Variants in NAV2 observed in about 807,000 individuals in gnomAD.
NAV2 encodes the protein helicase, APC down-regulated 1.
A neutral mutation model predicts 223.2 loss-of-function variants in NAV2; 54 were observed. The ratio of observed to expected loss-of-function variants is 0.24; its 90% CI spans 0.19 to 0.30. The LOEUF (loss-of-function observed/expected upper bound fraction) is 0.30, where lower values mean the gene tolerates loss of function less well. Ranked by LOEUF, NAV2 falls within the 10% of genes least tolerant of loss-of-function variation. NAV2 has a pLI of 1.00. For synonymous variants in NAV2, 1,279 were observed against 1,239.3 expected, an observed-to-expected ratio of 1.03 and a Z score of -0.67; for missense variants, 2,806 against 3,147.5, an observed-to-expected ratio of 0.89 and a Z score of 2.60.
intron 1 of NAV2, among the ~76,000 whole-genome samples, chr11:19,366,332 T>C (rs1234182824): frequency 6.6e-6 from 1 of 152,190 alleles, no homozygotes; most frequent in Non-Finnish European, 1.5e-5. Context: ...CCTGGAGCTC[T>C]GGATGGATGG....
chr11:19,743,339 C>G (rs867074102), intron 1 of NAV2, among the ~76,000 whole-genome samples: 35 of 152,126 alleles, frequency 2.3e-4, no homozygotes, highest in African/African-American at 8.5e-4. Flanking sequence ...CAACCACTAC[C>G]CAAGCCTAGC....
chr11:20,099,606 T>C (rs187609055), intron 31 of NAV2, among the ~76,000 whole-genome samples: 48 of 152,310 alleles, frequency 3.2e-4, no homozygotes, highest in Middle Eastern at 3.4e-3. Context: ...CCTAGAGTAC[T>C]TAAAACTTAT....
At chr11:19,476,623 A>T (rs547692933) in intron 1 of NAV2, among the ~76,000 whole-genome samples, 98 of 152,308 alleles carry the variant, frequency 6.4e-4, no homozygotes, top group African/African-American at 2.2e-3. Context: ...ACATGATAGG[A>T]TCCATGATCC....
chr11:19,936,780 A>G (rs2045945488), intron 7 of NAV2, among the ~76,000 whole-genome samples: 1 of 152,174 alleles, frequency 6.6e-6, no homozygotes, highest in Admixed American at 6.5e-5. Flanking sequence ...ATGAGCTAGC[A>G]GCTTAGAGGT....
At chr11:19,455,392 T>G (rs1164628258) in intron 1 of NAV2, among the ~76,000 whole-genome samples, 1 of 152,250 alleles carries the variant, frequency 6.6e-6, no homozygotes, top group Non-Finnish European at 1.5e-5. Flanking sequence ...AGCTGTTTAC[T>G]GACAGAATCA....
At chr11:20,057,161 G>C (rs1260577033) in intron 19 of NAV2, among the ~76,000 whole-genome samples, 2 of 152,136 alleles carry the variant, frequency 1.3e-5, no homozygotes, top group African/African-American at 2.4e-5. Context: ...TAGGGAAAAA[G>C]GGCCAGCATC....
At chr11:19,375,569 A>G (rs10741770) in intron 1 of NAV2, among the ~76,000 whole-genome samples, 110,671 of 152,138 alleles carry the variant, frequency 0.73, 40,463 homozygotes, top group South Asian at 0.84. Context: ...ATATTAGAGA[A>G]ATCCATCAAG....
At chr11:19,947,123 GT>G (rs980686345) in intron 9 of NAV2, among the ~76,000 whole-genome samples, 6 of 152,166 alleles carry the variant, frequency 3.9e-5, no homozygotes, top group Non-Finnish European at 7.4e-5. Flanking sequence ...GAAAGTTCTT[GT>G]TGTCCCCACT....
intron 11 of NAV2, among the ~76,000 whole-genome samples, chr11:19,995,948 G>C (rs1188671826): frequency 6.6e-6 from 1 of 152,182 alleles, no homozygotes; most frequent in Non-Finnish European, 1.5e-5. Flanking sequence ...CTGGAGAATG[G>C]GCAATGTCAG....
Position 19,546,557 on chromosome 11 carries a change from C to T in NAV2, c.75+195530C>T, listed in dbSNP as rs541750176. On this transcript the variant is annotated intron_variant, in intron 1 of 37. Coordinates refer to the NAV2 transcript ENST00000360655. ...TTCATGAAGAATGGAGGGCTGTGTA[C>T]AGAAGGAAGGACTGGTCACCACGGC... is the stretch of plus-strand genomic sequence containing the variant. Among the ~76,000 whole-genome samples the T allele has an allele frequency of 2.0e-5, 3 of 152,326 alleles. No individual in the cohort carries two copies. The South Asian group carries it at 6.2e-4, about 32-fold the overall frequency.
At chr11:19,664,713 C>T (rs2048365332) in intron 1 of NAV2, among the ~76,000 whole-genome samples, 1 of 152,182 alleles carries the variant, frequency 6.6e-6, no homozygotes, top group Non-Finnish European at 1.5e-5. Context: ...GCCTTTGACC[C>T]ATTAGCTATA....
At chr11:19,943,877 T>C (rs1189149390) in intron 8 of NAV2, among the ~76,000 whole-genome samples, 1 of 152,088 alleles carries the variant, frequency 6.6e-6, no homozygotes, top group Non-Finnish European at 1.5e-5. Flanking sequence ...TTATTGCACC[T>C]CTCCTCTTCC....
rs756948654 is a variant in NAV2, at chr11:20,045,450, C to T, written c.3682C>T (p.Pro1228Ser). 37 of 1,614,052 alleles carry T rather than the reference C, an allele frequency of 2.3e-5. No individual in the cohort carries two copies. The highest frequency in any genetic ancestry group is 3.0e-5 in the Non-Finnish European group (35 of 1,180,034). The change falls in exon 14 of 38, where the codon CCC (proline) becomes TCC (serine). Residue 1228 changes from proline (P) to serine (S), a missense_variant. Physicochemically the swap from Pro to Ser is moderately conservative, Grantham distance 74 (BLOSUM62 -1). Transcript: ENST00000349880. ...CAGCAAGTCCGCAGGCCTGCCAGTG[C>T]CCAAACTGAGGGAGCCTTCCAAAAC... ...ISSKSAGLPV[P>S]KLREPSKTAL...
intron 1 of NAV2, among the ~76,000 whole-genome samples, chr11:19,512,372 C>G (rs1218100722): frequency 6.6e-6 from 1 of 152,166 alleles, no homozygotes; most frequent in Non-Finnish European, 1.5e-5. Flanking sequence ...AAACTGGCCT[C>G]CATGAGAGGA....
chr11:19,502,399 C>T (rs2042987532), intron 1 of NAV2, among the ~76,000 whole-genome samples: 1 of 152,148 alleles, frequency 6.6e-6, no homozygotes, highest in Admixed American at 6.5e-5. Flanking sequence ...CTACTGACAC[C>T]AGGCTACAGA....
chr11:19,579,466 TG>T (rs1209608512), intron 1 of NAV2, among the ~76,000 whole-genome samples: 5 of 152,106 alleles, frequency 3.3e-5, no homozygotes, highest in Non-Finnish European at 5.9e-5. Context: ...CTGACAGTCA[TG>T]GGTGGCAGCT....
In NAV2 at chr11:19,677,798, G is replaced by A. The variant is rs892257068; in HGVS notation, c.76-154686G>A. 7.2e-5 allele frequency among the ~76,000 whole-genome samples: 11 copies of A among 152,310 alleles called. No individual in the cohort carries two copies. In the South Asian group the frequency reaches 1.5e-3, roughly 20 times the overall value. ...TATTGGAACACAGTCATGACCATTC[G>A]TTTCTGTATTGTCCATGACTGCCTT... On this transcript the variant is annotated intron_variant, in intron 1 of 37. Coordinates refer to the NAV2 transcript ENST00000360655.
intron 14 of NAV2, among the ~76,000 whole-genome samples, chr11:20,047,168 T>C (rs973700531): frequency 6.6e-6 from 1 of 152,232 alleles, no homozygotes; most frequent in Admixed American, 6.5e-5. Flanking sequence ...AAGTATTATA[T>C]GTAATATTCA....
At chr11:19,541,218 C>T (rs2044332225) in intron 1 of NAV2, among the ~76,000 whole-genome samples, 1 of 152,194 alleles carries the variant, frequency 6.6e-6, no homozygotes, top group Non-Finnish European at 1.5e-5. Context: ...GACCATTGCT[C>T]TGGATTTGGG....
Sources: allele counts gnomAD v4.1 joint callset (sites outside exome capture counted in the v4.1 genomes callset), GRCh38; gene constraint gnomAD v4.1.1; transcripts MANE v1.5; gene names NCBI Gene and HGNC (gene_info 2026-07-23, HGNC 2026-07-21).